The following NPLOC4 variants were observed in gnomAD, a reference collection of about 807,000 sequenced individuals.
NPLOC4 encodes nuclear protein localization protein 4 homolog.
In NPLOC4, 18 loss-of-function variants were observed where a neutral mutation model predicts 80.6. The observed-to-expected ratio is 0.22, with a 90% CI of 0.15 to 0.33. The LOEUF (loss-of-function observed/expected upper bound fraction) is 0.33. Ranked by LOEUF, NPLOC4 falls within the 10% of genes least tolerant of loss-of-function variation. The pLI, the probability that NPLOC4 is intolerant of heterozygous loss-of-function variation, is 1.00. For synonymous variants in NPLOC4, 313 were observed against 301.5 expected, an observed-to-expected ratio of 1.04 and a Z score of -0.39; for missense variants, 540 against 786.1, an observed-to-expected ratio of 0.69 and a Z score of 3.74.
chr17:81,630,638 T>C (rs989858642), intron 1 of NPLOC4, among the ~76,000 whole-genome samples: 2 of 152,194 alleles, frequency 1.3e-5, no homozygotes, highest in African/African-American at 4.8e-5. Context: ...TTGTAGCACT[T>C]TGGGAGGCCA....
In NPLOC4 at chr17:81,559,205, G is replaced by A. The variant is rs966693889; in HGVS notation, c.*54C>T. On this transcript the variant is annotated 3_prime_UTR_variant, in exon 17 of 17. Coordinates refer to ENST00000331134, the MANE Select transcript of NPLOC4 (RefSeq NM_017921.4). Reference sequence around the variant, plus strand: ...AGGGAACACACTCAGCAACGCTTCTGGCTTCAGGAAGGGCTGGGCTGGGCC... The same window carrying A: ...AGGGAACACACTCAGCAACGCTTCTAGCTTCAGGAAGGGCTGGGCTGGGCC... The A allele has an allele frequency of 1.1e-5, 17 of 1,530,630 alleles. No homozygotes were observed. The highest frequency in any genetic ancestry group is 1.5e-5 in the Non-Finnish European group (17 of 1,136,678). The allele number at this position is 1,530,630 out of a possible 1,614,324, so 94.8% of individuals were successfully genotyped here.
rs1262485965 is a variant in NPLOC4 at position 81,577,112 on chromosome 17, A to G, written c.1282-5024T>C. Among the ~76,000 whole-genome samples, 1 of 152,142 alleles carries G rather than the reference A, an allele frequency of 6.6e-6. No homozygotes were observed. Among genetic ancestry groups the G allele is most frequent in the Admixed American group, 6.5e-5 (1 of 15,280 alleles). On this transcript the variant is annotated intron_variant, in intron 12 of 16. Transcript: ENST00000331134. The surrounding 1 kb of genome is among the most constrained non-coding windows in gnomAD (Gnocchi z 4.3). The stretch of plus-strand genomic sequence containing the variant: ...TGAGTAAGCAATGCCTGGCCACAGC[A>G]AGGGGCAGTGGGTTCCTCAGAGATA...
intron 8 of NPLOC4, among the ~76,000 whole-genome samples, chr17:81,604,104 A>C (rs1009284098): frequency 6.6e-6 from 1 of 152,090 alleles, no homozygotes; most frequent in African/African-American, 2.4e-5. Context: ...AATTGTTATC[A>C]GTCCTATTTT....
At chr17:81,613,800 G>A (rs969587863) in intron 3 of NPLOC4, among the ~76,000 whole-genome samples, 1 of 151,906 alleles carries the variant, frequency 6.6e-6, no homozygotes, top group African/African-American at 2.4e-5. Context: ...TGGGTTTCAG[G>A]GCCTCTCCTC....
intron 4 of NPLOC4, among the ~76,000 whole-genome samples, chr17:81,611,884 G>C (rs572264933): frequency 6.0e-5 from 9 of 151,038 alleles, no homozygotes; most frequent in African/African-American, 2.2e-4. Context: ...GGCGTGAACC[G>C]GGGGGACGCA....
At chr17:81,565,777 G>C (rs143264220) in intron 15 of NPLOC4, among the ~76,000 whole-genome samples, 170 bp from the exon 16 acceptor site, 2 of 152,182 alleles carry the variant, frequency 1.3e-5, no homozygotes, top group Admixed American at 6.5e-5. Flanking sequence ...ATCTATAAAC[G>C]CAAGTGCTAA....
At chr17:81,583,714 A>G (rs893289554) in intron 12 of NPLOC4, among the ~76,000 whole-genome samples, 1 of 152,118 alleles carries the variant, frequency 6.6e-6, no homozygotes, top group Non-Finnish European at 1.5e-5. Context: ...TCTGTCCACA[A>G]GGCTCTTCCT....
chr17:81,616,171 A>T (rs1411704305), intron 3 of NPLOC4, among the ~76,000 whole-genome samples: 1 of 151,448 alleles, frequency 6.6e-6, no homozygotes, highest in African/African-American at 2.4e-5. Context: ...AAAAAAAAAA[A>T]TTAGCCGGGG....
chr17:81,622,612 A>G (rs2035698250), intron 2 of NPLOC4, among the ~76,000 whole-genome samples: 1 of 152,178 alleles, frequency 6.6e-6, no homozygotes, highest in Non-Finnish European at 1.5e-5. Context: ...GTACAGTGGC[A>G]TGATCTCGGC....
chr17:81,622,030 C>A (rs2035682841), intron 3 of NPLOC4, 136 bp downstream of exon 3: 1 of 651,944 alleles, frequency 1.5e-6, no homozygotes, highest in South Asian at 1.8e-5. Context: ...GCAACACGGT[C>A]ATGTGTATTC....
intron 13 of NPLOC4, 89 bp from the exon 14 acceptor site, chr17:81,569,200 A>G (rs62073400): frequency 0.13 from 98,717 of 787,194 alleles, 7,424 homozygotes; most frequent in Admixed American, 0.26. Flanking sequence ...CCCAGAGCCC[A>G]AATTAACGAC....
At chr17:81,600,479 C>A in intron 8 of NPLOC4, 52 bp from the exon 9 acceptor site, 1 of 1,426,914 alleles carries the variant, frequency 7.0e-7, no homozygotes, top group Non-Finnish European at 9.8e-7. Flanking sequence ...GCTCAGGAAG[C>A]AGCACCCCAA....
chr17:81,605,641 C>CT, intron 7 of NPLOC4, among the ~76,000 whole-genome samples: 1 of 146,990 alleles, frequency 6.8e-6, no homozygotes, highest in South Asian at 2.1e-4. Flanking sequence ...GAGTGAGACT[C>CT]TGTCTCAAAA....
At chr17:81,616,146 G>A (rs968964496) in intron 3 of NPLOC4, among the ~76,000 whole-genome samples, 13 of 150,996 alleles carry the variant, frequency 8.6e-5, no homozygotes, top group Admixed American at 3.3e-4. Context: ...GTGAAACCTC[G>A]TCTCTGCTAA....
chr17:81,569,069 T>C lies in NPLOC4; in HGVS notation c.1396A>G (p.Ile466Val), dbSNP rs1473123119. ...TCAATAGGAAATGGATTTTGCGAAA[T>C]AGAAAAAGTGTAAACTGGATCCTTG... ...FPKDPVYTFS[I>V]SQNPFPIENR... The change falls in exon 14 of 17, where the codon ATT (isoleucine) becomes GTT (valine). Residue 466 changes from isoleucine (I) to valine (V), a missense_variant. By Grantham distance (29) the Ile-to-Val change is conservative. Around this residue, in one of 6 missense-constraint regions of NPLOC4, gnomAD observed 251 missense variants for 377.5 expected, o/e 0.66. Transcript: ENST00000331134. 3.7e-6 allele frequency: 6 copies of C among 1,613,062 alleles called. No homozygotes were observed. The highest frequency in any genetic ancestry group is 2.2e-5 in the East Asian group (1 of 44,886).
intron 3 of NPLOC4, among the ~76,000 whole-genome samples, chr17:81,621,477 G>A (rs1248450385): frequency 6.6e-6 from 1 of 152,144 alleles, no homozygotes; most frequent in Admixed American, 6.5e-5. Context: ...AGCGTCGAGA[G>A]GAAAACTGGC....
At chr17:81,600,552 A>T (rs1598652897) in intron 8 of NPLOC4, 125 bp from the exon 9 acceptor site, 1 of 687,696 alleles carries the variant, frequency 1.5e-6, no homozygotes, top group East Asian at 2.7e-5. Context: ...AGAAAGGAGA[A>T]CTATAGCCAC....
chr17:81,587,540 C>T (rs2034614638), intron 12 of NPLOC4, among the ~76,000 whole-genome samples: 1 of 148,848 alleles, frequency 6.7e-6, no homozygotes, highest in Admixed American at 6.8e-5. Flanking sequence ...TGGTCTCGAT[C>T]TCCTGACCTT....
rs1489331033 is a variant in NPLOC4, at chr17:81,563,743, C to G, written c.1669+1762G>C. 5 of 351,500 alleles carry G rather than the reference C, an allele frequency of 1.4e-5. No homozygotes were observed. In the East Asian group the frequency reaches 4.2e-4, roughly 30 times the overall value. 21.8% of individuals were successfully genotyped at this position (351,500 alleles called of 1,614,324 possible). Reference sequence around the variant, plus strand: ...CAGTCTGGGCAACACAGTGAGACCTCATTGATACAAAAATATTAAAAAATT... The same window carrying G: ...CAGTCTGGGCAACACAGTGAGACCTGATTGATACAAAAATATTAAAAAATT... On this transcript the variant is annotated intron_variant, in intron 16 of 16. Transcript: ENST00000331134.
Sources: allele counts gnomAD v4.1 joint callset (sites outside exome capture counted in the v4.1 genomes callset), GRCh38; gene constraint gnomAD v4.1.1; regional missense constraint gnomAD v4.1.1; non-coding constraint Gnocchi (gnomAD v3.1); transcripts MANE v1.5; gene names NCBI Gene and HGNC (gene_info 2026-07-23, HGNC 2026-07-21).